Variants in ATP8A2 observed in about 807,000 individuals in gnomAD.
ATP8A2 encodes ATPase phospholipid transporting 8A2, also known as phospholipid-transporting ATPase IB.
Under a neutral mutation model 165.6 loss-of-function variants are expected in ATP8A2, and 100 were observed. That is an observed-to-expected ratio of 0.60 (90% CI 0.51 to 0.71). ATP8A2 has a LOEUF of 0.71. Ranked by LOEUF, ATP8A2 falls within the 30% of genes least tolerant of loss-of-function variation. ATP8A2 has a pLI of 0.00. For missense variants in ATP8A2, 1,227 were observed against 1,479.5 expected, an observed-to-expected ratio of 0.83 and a Z score of 2.80; for synonymous variants, 543 against 548.8, an observed-to-expected ratio of 0.99 and a Z score of 0.15.
At chr13:25,409,356 A>G (rs1213426873) in intron 1 of ATP8A2, among the ~76,000 whole-genome samples, 1 of 152,222 alleles carries the variant, frequency 6.6e-6, no homozygotes, top group Non-Finnish European at 1.5e-5. Context: ...AATAGAAAAC[A>G]AAAAGACAAG....
chr13:25,708,214 G>A (rs9578914), intron 25 of ATP8A2, among the ~76,000 whole-genome samples: 7,275 of 152,208 alleles, frequency 0.048, 213 homozygotes, highest in Middle Eastern at 0.099. Context: ...AACCAGAAAA[G>A]AAAATCAAGA....
intron 1 of ATP8A2, among the ~76,000 whole-genome samples, chr13:25,406,671 A>C (rs2033810577): frequency 6.6e-6 from 1 of 152,088 alleles, no homozygotes; most frequent in Non-Finnish European, 1.5e-5. Flanking sequence ...TGGCATGGAG[A>C]CCATGTTTGG....
At chr13:25,920,517 C>A (rs1954418763) in intron 33 of ATP8A2, among the ~76,000 whole-genome samples, 1 of 152,198 alleles carries the variant, frequency 6.6e-6, no homozygotes, top group Non-Finnish European at 1.5e-5. Context: ...CACCATCCAC[C>A]AGCTCACAGA....
intron 35 of ATP8A2, 37 bp from the exon 36 acceptor site, chr13:26,012,494 A>G: frequency 6.7e-7 from 1 of 1,492,218 alleles, no homozygotes; most frequent in Non-Finnish European, 9.1e-7. Context: ...CCGAGTGTTC[A>G]GGTGACAAGA....
At chr13:25,445,867 A>T (rs1283677419) in intron 1 of ATP8A2, among the ~76,000 whole-genome samples, 1 of 152,140 alleles carries the variant, frequency 6.6e-6, no homozygotes, top group Non-Finnish European at 1.5e-5. Context: ...CAGTGAGGGT[A>T]CAAGACAGGC....
At chr13:25,945,096 C>T (rs967468496) in intron 33 of ATP8A2, among the ~76,000 whole-genome samples, 12 of 152,010 alleles carry the variant, frequency 7.9e-5, no homozygotes, top group African/African-American at 2.2e-4. Flanking sequence ...ATACTAGGGA[C>T]GGGGTGGGAG....
At chr13:25,736,974 G>A (rs1340080488) in intron 25 of ATP8A2, among the ~76,000 whole-genome samples, 3 of 152,186 alleles carry the variant, frequency 2.0e-5, no homozygotes, top group African/African-American at 7.2e-5. Context: ...TGCATGTGTT[G>A]AAGTCAACTG....
intron 33 of ATP8A2, among the ~76,000 whole-genome samples, chr13:25,908,217 A>C (rs1954002120): frequency 6.6e-6 from 1 of 152,186 alleles, no homozygotes; most frequent in Non-Finnish European, 1.5e-5. Context: ...TCTGTAGGGC[A>C]GTTTTCTAAT....
At chr13:25,423,705 A>G (rs2034363400) in intron 1 of ATP8A2, among the ~76,000 whole-genome samples, 2 of 152,190 alleles carry the variant, frequency 1.3e-5, no homozygotes, top group South Asian at 4.1e-4. Flanking sequence ...TGTTAAGTTG[A>G]GCATCTTTTT....
chr13:25,511,326 C>T (rs2037217386), intron 2 of ATP8A2, among the ~76,000 whole-genome samples: 1 of 152,140 alleles, frequency 6.6e-6, no homozygotes, highest in African/African-American at 2.4e-5. Flanking sequence ...CCAGAATAAT[C>T]TCTTGGTTTT....
At chr13:25,841,414 AG>A (rs1951744994) in intron 30 of ATP8A2, among the ~76,000 whole-genome samples, 1 of 152,200 alleles carries the variant, frequency 6.6e-6, no homozygotes, top group South Asian at 2.1e-4. Context: ...CCTTCAGCAT[AG>A]GGGTTTTCTT....
At chr13:25,804,936 A>G (rs1950698146) in intron 27 of ATP8A2, among the ~76,000 whole-genome samples, 3 of 152,176 alleles carry the variant, frequency 2.0e-5, no homozygotes, top group African/African-American at 7.2e-5. Context: ...GATTTTTAGC[A>G]TTGTTTAATA....
chr13:25,624,076 G>C, intron 24 of ATP8A2, among the ~76,000 whole-genome samples: 1 of 152,058 alleles, frequency 6.6e-6, no homozygotes, highest in East Asian at 1.9e-4. Flanking sequence ...AAAATATTTT[G>C]CACATTGGTG....
intron 24 of ATP8A2, among the ~76,000 whole-genome samples, chr13:25,661,068 C>A (rs565355812): frequency 3.6e-4 from 55 of 152,254 alleles, no homozygotes; most frequent in African/African-American, 1.3e-3. Flanking sequence ...TGTGTTCACA[C>A]GTGCGTCTCT....
chr13:25,411,248 G>C (rs543515012), intron 1 of ATP8A2, among the ~76,000 whole-genome samples: 1 of 152,272 alleles, frequency 6.6e-6, no homozygotes, highest in South Asian at 2.1e-4. Flanking sequence ...TTTTTCCCCT[G>C]CTGCAGCTCA....
intron 30 of ATP8A2, among the ~76,000 whole-genome samples, chr13:25,840,631 C>T (rs1951729675): frequency 6.6e-6 from 1 of 152,190 alleles, no homozygotes; most frequent in Non-Finnish European, 1.5e-5. Flanking sequence ...CCAGTGAAAT[C>T]ATTTTCTTTT....
At chr13:25,537,867 C>A in intron 6 of ATP8A2, 121 bp from the exon 7 acceptor site, 2 of 603,044 alleles carry the variant, frequency 3.3e-6, no homozygotes, top group Non-Finnish European at 5.6e-6. Context: ...GCTTCTCTAT[C>A]TTAAACTTCA....
At chr13:25,701,145 A>G (rs2137923118) in intron 25 of ATP8A2, among the ~76,000 whole-genome samples, 1 of 152,142 alleles carries the variant, frequency 6.6e-6, no homozygotes, top group Admixed American at 6.5e-5. Flanking sequence ...TTACCTTTTC[A>G]CTTTCCTGAT....
At chr13:25,640,856 T>C (rs1181167780) in intron 24 of ATP8A2, among the ~76,000 whole-genome samples, 1 of 152,164 alleles carries the variant, frequency 6.6e-6, no homozygotes, top group Non-Finnish European at 1.5e-5. Flanking sequence ...AAATCCTCAA[T>C]AAAATACTGG....
Sources: gnomAD v4.1 joint callset for allele counts (sites outside exome capture counted in the v4.1 genomes callset) on GRCh38, gnomAD v4.1.1 for gene constraint, MANE v1.5 for transcripts, NCBI Gene and HGNC (gene_info 2026-07-23, HGNC 2026-07-21) for gene names.